The following ZNF521 variants were observed in gnomAD, a reference collection of about 807,000 sequenced individuals.
The protein encoded by ZNF521 is zinc finger protein 521, also known as LYST-interacting protein 3.
In ZNF521, 14 loss-of-function variants were observed where a neutral mutation model predicts 105.5. The ratio of observed to expected loss-of-function variants is 0.13; its 90% CI spans 0.09 to 0.21. ZNF521 has a LOEUF of 0.21. ZNF521 is among the 10% of genes least tolerant of loss of function. The pLI, the probability that ZNF521 is intolerant of heterozygous loss-of-function variation, is 1.00. For synonymous variants in ZNF521, 635 were observed against 606.0 expected (o/e 1.05, Z -0.70); for missense variants, 1,233 against 1,629.7 (o/e 0.76, Z 4.19).
chr18:25,211,069 T>A (rs185863464), intron 4 of ZNF521, among the ~76,000 whole-genome samples: 21 of 152,282 alleles, frequency 1.4e-4, no homozygotes, highest in Non-Finnish European at 1.6e-4. Context: ...TATATACCCA[T>A]TAAAGTGTAA....
Position 25,126,422 on chromosome 18 carries a change from A to AT in ZNF521, c.3659-34342dup, listed in dbSNP as rs1167226491. On this transcript the variant is annotated intron_variant, in intron 5 of 7. Coordinates refer to ENST00000361524, the MANE Select transcript of ZNF521 (RefSeq NM_015461.3). ...TAGTTTATTCCACATAAAAAGAGGG[A>AT]TTATTAATAACAACATTCTGTTTTT... Among the ~76,000 whole-genome samples the AT allele has an allele frequency of 1.6e-4, 25 of 152,190 alleles. No individual in the cohort carries two copies. In the East Asian group the frequency reaches 4.6e-3, roughly 28 times the overall value.
chr18:25,248,187 A>G (rs62083928), intron 3 of ZNF521, among the ~76,000 whole-genome samples: 8,791 of 152,236 alleles, frequency 0.058, 283 homozygotes, highest in Middle Eastern at 0.086. Flanking sequence ...AGAAGACTCT[A>G]TTTTGGCTGG....
intron 5 of ZNF521, among the ~76,000 whole-genome samples, chr18:25,159,226 C>A (rs1406427536): frequency 6.6e-6 from 1 of 152,096 alleles, no homozygotes; most frequent in Non-Finnish European, 1.5e-5. Context: ...GTTGTGCTCA[C>A]TTGGCATGGT....
At position 25,091,505 on chromosome 18, in the gene ZNF521, T is replaced by G. The variant is rs559129365; in HGVS notation, c.3790+445A>C. 1.3e-4 allele frequency among the ~76,000 whole-genome samples: 20 copies of G among 152,314 alleles called. No homozygotes were observed. In the South Asian group the frequency reaches 3.7e-3, roughly 28 times the overall value. On this transcript the variant is annotated intron_variant, in intron 6 of 7. Coordinates refer to ENST00000361524, the MANE Select transcript of ZNF521 (RefSeq NM_015461.3). ...ATTTGGGGTGAGTTTTAATACTATC[T>G]TTGTATTTCTGGTGGAGAATGTTAT...
chr18:25,292,813 A>C (rs1273468011), intron 3 of ZNF521, among the ~76,000 whole-genome samples: 2 of 152,188 alleles, frequency 1.3e-5, no homozygotes, highest in Non-Finnish European at 2.9e-5. Context: ...AGTGGCTTTC[A>C]AGCTGTTTTT....
rs11414993 is a variant in ZNF521 at position 25,088,723 on chromosome 18, A to ATT, written c.3906+740_3906+741dup. ...GGAATAGAATCTAGGTCTCTGACTC[A>ATT]TTTTTTTTAAACTACCAGTCTATAG... On this transcript the variant is annotated intron_variant, in intron 7 of 7. Coordinates refer to ENST00000361524, the MANE Select transcript of ZNF521 (RefSeq NM_015461.3). 1.3e-3 allele frequency among the ~76,000 whole-genome samples: 203 copies of ATT among 151,870 alleles called. 1 individual carries two copies. Among genetic ancestry groups the ATT allele is most frequent in the African/African-American group, 4.7e-3 (195 of 41,408 alleles).
At chr18:25,160,138 CA>C (rs1485904270) in intron 5 of ZNF521, among the ~76,000 whole-genome samples, 7 of 152,242 alleles carry the variant, frequency 4.6e-5, no homozygotes, top group South Asian at 2.1e-4. Context: ...GATTAGCCAT[CA>C]GGGGGTTATT....
chr18:25,199,160 A>G (rs1191560009), intron 4 of ZNF521, among the ~76,000 whole-genome samples: 4 of 151,998 alleles, frequency 2.6e-5, no homozygotes, highest in Non-Finnish European at 5.9e-5. Context: ...CTATGAGAAA[A>G]AAATGCAAAT....
intron 5 of ZNF521, among the ~76,000 whole-genome samples, chr18:25,110,957 T>A (rs2034176927): frequency 1.3e-5 from 2 of 152,044 alleles, no homozygotes; most frequent in South Asian, 2.1e-4. Flanking sequence ...GAGATGGGGT[T>A]TCACCATGTT....
intron 5 of ZNF521, among the ~76,000 whole-genome samples, chr18:25,155,567 CT>C (rs2144502883): frequency 6.6e-6 from 1 of 152,118 alleles, no homozygotes; most frequent in Admixed American, 6.5e-5. Context: ...ACATTTAGGT[CT>C]TTTATCCATT....
intron 7 of ZNF521, among the ~76,000 whole-genome samples, chr18:25,069,141 T>C (rs185631151): frequency 1.3e-5 from 2 of 152,326 alleles, no homozygotes; most frequent in East Asian, 3.9e-4. Flanking sequence ...AATCAATATA[T>C]TTGGTTCAAT....
chr18:25,336,726 C>T (rs777137474), intron 2 of ZNF521, among the ~76,000 whole-genome samples: 2 of 152,188 alleles, frequency 1.3e-5, no homozygotes, highest in Admixed American at 1.3e-4. Flanking sequence ...AAACAGGCTT[C>T]AGAAAGGGCT....
chr18:25,297,390 C>T (rs1911383558), intron 3 of ZNF521, among the ~76,000 whole-genome samples: 2 of 152,094 alleles, frequency 1.3e-5, no homozygotes, highest in South Asian at 4.1e-4. Flanking sequence ...TCACAATATT[C>T]AAGTTACAGC....
intron 7 of ZNF521, among the ~76,000 whole-genome samples, chr18:25,064,112 T>A (rs1244640208): frequency 2.0e-5 from 3 of 152,188 alleles, no homozygotes; most frequent in Admixed American, 1.3e-4. Context: ...GGAAAGAGGG[T>A]TTGGCTATCT....
At chr18:25,270,014 A>G (rs1909541109) in intron 3 of ZNF521, among the ~76,000 whole-genome samples, 1 of 152,166 alleles carries the variant, frequency 6.6e-6, no homozygotes, top group African/African-American at 2.4e-5. Flanking sequence ...GAAAAGATCA[A>G]CAAAAAAAGA....
At chr18:25,083,761 T>TGTTG (rs957473456) in intron 7 of ZNF521, among the ~76,000 whole-genome samples, 11 of 150,510 alleles carry the variant, frequency 7.3e-5, no homozygotes, top group African/African-American at 2.2e-4. Context: ...ATATTTTGTT[T>TGTTG]GTTTGTTTGT....
At chr18:25,330,310 C>T (rs1278091067) in intron 2 of ZNF521, among the ~76,000 whole-genome samples, 6 of 152,064 alleles carry the variant, frequency 3.9e-5, no homozygotes, top group Non-Finnish European at 7.4e-5. Context: ...ACTACAGGCC[C>T]GTGCCACCAT....
chr18:25,191,873 G>A (rs571321030), intron 5 of ZNF521, among the ~76,000 whole-genome samples: 1 of 152,158 alleles, frequency 6.6e-6, no homozygotes, highest in Non-Finnish European at 1.5e-5. Context: ...AGCTCAGAGA[G>A]GAAAATAACA....
intron 3 of ZNF521, chr18:25,315,913 C>T (rs1040735975): frequency 6.6e-6 from 1 of 152,118 alleles, no homozygotes; most frequent in African/African-American, 2.4e-5. Context: ...CCTGAGTAAC[C>T]CACATAGGCA....
Sources: allele counts gnomAD v4.1 joint callset (sites outside exome capture counted in the v4.1 genomes callset), GRCh38; gene constraint gnomAD v4.1.1; transcripts MANE v1.5; gene names NCBI Gene and HGNC (gene_info 2026-07-23, HGNC 2026-07-21).